KIF25: variants seen among roughly 807,000 people sequenced by gnomAD.
KIF25 encodes the protein kinesin-like protein KIF25.
KIF25 carries 19 observed loss-of-function variants against 32.9 expected under a neutral mutation model. That is an observed-to-expected ratio of 0.58 (90% confidence interval 0.40 to 0.85). The LOEUF (loss-of-function observed/expected upper bound fraction) is 0.85, where lower values mean the gene tolerates loss of function less well. Ranked by LOEUF, KIF25 falls within the 40% of genes least tolerant of loss-of-function variation. The pLI is 0.00. For missense variants in KIF25, 485 were observed against 507.0 expected (o/e 0.96, Z 0.42); for synonymous variants, 225 against 213.7 (o/e 1.05, Z -0.46).
Position 168,030,824 on chromosome 6 carries a change from C to G in KIF25, c.144C>G (p.Pro48=). The G allele has an allele frequency of 6.2e-7, 1 of 1,613,144 alleles. No homozygotes were observed. Among genetic ancestry groups the G allele is most frequent in the Non-Finnish European group, 8.5e-7 (1 of 1,179,516 alleles). Reference sequence around the variant, plus strand: ...GCGCGGTCTTTGGAGATGTGTGCCCCCTACTCACTTCTCTCTTGGATGGGT... The same window carrying G: ...GCGCGGTCTTTGGAGATGTGTGCCCGCTACTCACTTCTCTCTTGGATGGGT... ...SQSAVFGDVC[P]LLTSLLDGYN... Residue 48 remains proline, a synonymous_variant, in exon 7 of 13, where the codon CCC becomes CCG. Transcript: ENST00000643607.
intron 8 of KIF25, chr6:168,035,825 C>G (rs1480888319): frequency 2.2e-6 from 1 of 455,660 alleles, no homozygotes; most frequent in Non-Finnish European, 4.4e-6. Flanking sequence ...CGGGCAAGGC[C>G]GTACTCTCCC....
rs184850134 is a variant in KIF25 at position 168,022,618 on chromosome 6, T to G, written c.-95+4578T>G. 1.8e-4 allele frequency among the ~76,000 whole-genome samples: 27 copies of G among 152,288 alleles called. 1 individual carries two copies. The East Asian group carries it at 4.2e-3, about 24-fold the overall frequency. On this transcript the variant is annotated intron_variant, in intron 5 of 12. Transcript: ENST00000643607. Reference sequence around the variant, plus strand: ...TTGTTTTCTTAAGTCTCTTTCAGAATGTTCTATTGTGTCTGGTTCTTGTGG... The same window carrying G: ...TTGTTTTCTTAAGTCTCTTTCAGAAGGTTCTATTGTGTCTGGTTCTTGTGG...
chr6:168,005,235 C>T (rs1216671020), intron 4 of KIF25, among the ~76,000 whole-genome samples: 1 of 152,156 alleles, frequency 6.6e-6, no homozygotes, highest in Non-Finnish European at 1.5e-5. Context: ...AAACCTTCTC[C>T]TCTATCCTCC....
chr6:168,035,614 A>G (rs1036879116), intron 8 of KIF25: 34 of 440,196 alleles, frequency 7.7e-5, no homozygotes, highest in South Asian at 4.1e-4. Context: ...GCGCCTCTCC[A>G]GAAACCGGAT....
chr6:168,043,748 C>A (rs1311023162), intron 12 of KIF25, among the ~76,000 whole-genome samples: 1 of 152,238 alleles, frequency 6.6e-6, no homozygotes, highest in Non-Finnish European at 1.5e-5. Flanking sequence ...TGAGAGCCAG[C>A]AGGTCCCTCA....
chr6:168,019,825 C>G (rs117005976), intron 5 of KIF25, among the ~76,000 whole-genome samples: 16,164 of 152,142 alleles, frequency 0.11, 1,332 homozygotes, highest in East Asian at 0.39. Flanking sequence ...AGTGGGCGCT[C>G]AGAGAACATT....
intron 4 of KIF25, among the ~76,000 whole-genome samples, chr6:168,009,345 C>T (rs1798617871): frequency 6.6e-6 from 1 of 151,850 alleles, no homozygotes; most frequent in Admixed American, 6.6e-5. Flanking sequence ...GATTTTTGTC[C>T]TTCATTCTGT....
intron 5 of KIF25, among the ~76,000 whole-genome samples, chr6:168,028,924 T>A (rs2114897012): frequency 6.6e-6 from 1 of 152,376 alleles, no homozygotes; most frequent in Non-Finnish European, 1.5e-5. Flanking sequence ...TGTTTTTACA[T>A]TAATTTTATG....
At chr6:168,026,147 G>A (rs1219828052) in intron 5 of KIF25, among the ~76,000 whole-genome samples, 1 of 152,200 alleles carries the variant, frequency 6.6e-6, no homozygotes, top group African/African-American at 2.4e-5. Context: ...ACACCAGGCT[G>A]CTGCTCAGGT....
intron 4 of KIF25, among the ~76,000 whole-genome samples, 157 bp downstream of exon 4, chr6:168,003,860 C>T (rs1798538891): frequency 6.6e-6 from 1 of 151,870 alleles, no homozygotes; most frequent in Non-Finnish European, 1.5e-5. Flanking sequence ...GACATGCTTT[C>T]CTTGTGGGAA....
In KIF25 at chr6:168,016,100, C is replaced by T. The variant is rs1045797606; in HGVS notation, c.-162-1873C>T. Among the ~76,000 whole-genome samples the T allele has an allele frequency of 4.6e-5, 7 of 152,158 alleles. No individual in the cohort carries two copies. The South Asian group carries it at 6.2e-4, about 14-fold the overall frequency. On this transcript the variant is annotated intron_variant, in intron 4 of 12. Coordinates refer to ENST00000643607, the MANE Select transcript of KIF25 (RefSeq NM_030615.4). ...ACAGCAGAAAAATGAAAATATGCCG[C>T]GAGAAAGGAGCAAAGGGCCTAGGCT...
intron 5 of KIF25, among the ~76,000 whole-genome samples, chr6:168,020,158 A>AAACAAACT (rs1554250077): frequency 6.6e-6 from 1 of 151,980 alleles, no homozygotes; most frequent in Admixed American, 6.6e-5. Flanking sequence ...ACAAACAAAC[A>AAACAAACT]GAGAAACACC....
At chr6:168,021,372 C>T (rs78769974) in intron 5 of KIF25, among the ~76,000 whole-genome samples, 5,579 of 152,006 alleles carry the variant, frequency 0.037, 104 homozygotes, top group Non-Finnish European at 0.048. Flanking sequence ...CCCCAGCTTC[C>T]GCTGCTTCAG....
intron 9 of KIF25, among the ~76,000 whole-genome samples, chr6:168,039,778 C>G (rs1391225607): frequency 6.6e-6 from 1 of 152,162 alleles, no homozygotes; most frequent in Non-Finnish European, 1.5e-5. Context: ...CCTGGAGGCT[C>G]TAATAAATAA....
chr6:168,043,518 G>A (rs1169205673), intron 12 of KIF25, among the ~76,000 whole-genome samples: 1 of 152,234 alleles, frequency 6.6e-6, no homozygotes, highest in Non-Finnish European at 1.5e-5. Flanking sequence ...GTCTCTCATT[G>A]TGGGGTATTT....
intron 10 of KIF25, among the ~76,000 whole-genome samples, chr6:168,040,690 C>A (rs1405179820): frequency 2.0e-5 from 3 of 152,116 alleles, no homozygotes; most frequent in Non-Finnish European, 2.9e-5. Flanking sequence ...ACCCAAAAGT[C>A]CACTGGGATC....
intron 4 of KIF25, among the ~76,000 whole-genome samples, chr6:168,016,869 C>G (rs1400420381): frequency 1.3e-5 from 2 of 152,234 alleles, no homozygotes; most frequent in Non-Finnish European, 2.9e-5. Context: ...CTACGAGGCA[C>G]AGCCGAGGCT....
Position 168,042,723 on chromosome 6 carries a change from GT to G in KIF25, c.985+11del. ...CTCCTTCAGGACTGCCTCGGTAACC[GT>G]TTTCCCCAAAATGCCCCAGGATGGG... On this transcript the variant is annotated splice_region_variant and intron_variant, in intron 12 of 12. Coordinates refer to ENST00000643607, the MANE Select transcript of KIF25 (RefSeq NM_030615.4). 1.2e-6 allele frequency: 2 copies of G among 1,605,756 alleles called. No individual in the cohort carries two copies. Among genetic ancestry groups the G allele is most frequent in the Non-Finnish European group, 8.5e-7 (1 of 1,177,440 alleles).
chr6:168,029,804 G>A, intron 6 of KIF25, 127 bp downstream of exon 6: 1 of 1,234,702 alleles, frequency 8.1e-7, no homozygotes, highest in Non-Finnish European at 1.1e-6. Context: ...AGTTAAAAAA[G>A]ATCTCAGCCC....
Sources: gnomAD v4.1 joint callset for allele counts (sites outside exome capture counted in the v4.1 genomes callset) on GRCh38, gnomAD v4.1.1 for gene constraint, MANE v1.5 for transcripts, NCBI Gene and HGNC (gene_info 2026-07-23, HGNC 2026-07-21) for gene names.